METTL24: variants seen among roughly 807,000 people sequenced by gnomAD.
The protein encoded by METTL24 is probable methyltransferase-like protein 24.
METTL24 carries 29 observed loss-of-function variants against 32.7 expected under a neutral mutation model. That is an observed-to-expected ratio of 0.89 (90% CI 0.66 to 1.21). METTL24 has a LOEUF of 1.21. METTL24 is among the 50% of genes most tolerant of loss of function. The pLI is 0.00. For synonymous variants in METTL24, 163 were observed against 179.5 expected (o/e 0.91, Z 0.73); for missense variants, 439 against 468.1 (o/e 0.94, Z 0.57).
At chr6:110,262,116 C>T (rs1340056364) in intron 4 of METTL24, among the ~76,000 whole-genome samples, 1 of 152,046 alleles carries the variant, frequency 6.6e-6, no homozygotes, top group Non-Finnish European at 1.5e-5. Context: ...TAACTAAGAT[C>T]AGAGCAGAAC....
intron 1 of METTL24, among the ~76,000 whole-genome samples, chr6:110,334,336 A>G (rs1241174355): frequency 6.6e-6 from 1 of 152,186 alleles, no homozygotes; most frequent in Non-Finnish European, 1.5e-5. Flanking sequence ...CAGCAAGCGC[A>G]GGAGAACATG....
chr6:110,253,926 G>A (rs1415656180), intron 4 of METTL24: 2 of 1,464,958 alleles, frequency 1.4e-6, no homozygotes, highest in Non-Finnish European at 9.1e-7. Flanking sequence ...GTGACTGCAG[G>A]TCCCCAGGAG....
At chr6:110,355,029 G>T (rs1244820996) in intron 1 of METTL24, among the ~76,000 whole-genome samples, 1 of 152,098 alleles carries the variant, frequency 6.6e-6, no homozygotes, top group Non-Finnish European at 1.5e-5. Context: ...CACATACTGG[G>T]GTCTCAGGAG....
At position 110,358,239 on chromosome 6, in the gene METTL24, C is replaced by A; in HGVS notation, c.34G>T (p.Gly12Cys). 6.7e-7 allele frequency: 1 copy of A among 1,487,314 alleles called. No homozygotes were observed. Among genetic ancestry groups the A allele is most frequent in the Non-Finnish European group, 8.9e-7 (1 of 1,125,870 alleles). 92.1% of individuals were successfully genotyped at this position (1,487,314 alleles called of 1,614,324 possible). The change falls in exon 1 of 5, where the codon GGC (glycine) becomes TGC (cysteine). Residue 12 changes from glycine (G) to cysteine (C), a missense_variant. By Grantham distance (159) the Gly-to-Cys change is radical. Transcript: ENST00000338882. The stretch of plus-strand genomic sequence containing the variant: ...CCGAGTAGACACCGGCGCAGGACGC[C>A]GCAGCCCCTCCCGGGCGGCCTCTCC... ...ARERPPGRGCGVLRRCLLGAV... is the reference protein window; with the variant it reads ...ARERPPGRGCCVLRRCLLGAV...
intron 4 of METTL24, among the ~76,000 whole-genome samples, chr6:110,263,121 G>A (rs1273375185): frequency 1.3e-5 from 2 of 152,158 alleles, no homozygotes; most frequent in African/African-American, 4.8e-5. Flanking sequence ...TCTGGCCAGG[G>A]CAATCAGGCA....
intron 4 of METTL24, among the ~76,000 whole-genome samples, chr6:110,290,870 G>C (rs942035627): frequency 3.3e-5 from 5 of 152,140 alleles, no homozygotes; most frequent in Admixed American, 2.6e-4. Context: ...CCATCACTTA[G>C]TAACATCAAT....
intron 3 of METTL24, among the ~76,000 whole-genome samples, chr6:110,306,160 G>A (rs538618634): frequency 2.0e-5 from 3 of 151,468 alleles, no homozygotes; most frequent in South Asian, 4.2e-4. Flanking sequence ...CTGTTGGGGG[G>A]TGGGGGGCAA....
rs113073297 is a variant in METTL24, at chr6:110,303,674, T to G, written c.558-4524A>C. Among the ~76,000 whole-genome samples the G allele has an allele frequency of 4.7e-3, 719 of 152,252 alleles. 9 individuals carry two copies. Among genetic ancestry groups the G allele is most frequent in the African/African-American group, 0.017 (699 of 41,560 alleles). ...AATGCAGCAACCCCACTCAGGGGCT[T>G]ATAGACAAAACTTCCATCTCCCTGG... On this transcript the variant is annotated intron_variant, in intron 3 of 4. Transcript: ENST00000338882.
At chr6:110,302,587 ATATATACACATATACACACACATATGTG>A in intron 3 of METTL24, among the ~76,000 whole-genome samples, 1 of 108,974 alleles carries the variant, frequency 9.2e-6, no homozygotes, top group Non-Finnish European at 1.8e-5. Flanking sequence ...ACATATGTGT[ATATATACACATATACACACACATATGTG>A]TATATATATA....
intron 3 of METTL24, among the ~76,000 whole-genome samples, chr6:110,306,052 A>G (rs1771621668): frequency 6.6e-6 from 1 of 152,026 alleles, no homozygotes. Context: ...GGAAACCATC[A>G]TCCTCAGCAA....
At chr6:110,291,676 T>G (rs942574128) in intron 4 of METTL24, among the ~76,000 whole-genome samples, 2 of 152,224 alleles carry the variant, frequency 1.3e-5, no homozygotes, top group Non-Finnish European at 2.9e-5. Flanking sequence ...GTTATTTTTC[T>G]GATCCTCTCC....
chr6:110,351,370 G>C (rs539537166), intron 1 of METTL24, among the ~76,000 whole-genome samples: 1 of 152,196 alleles, frequency 6.6e-6, no homozygotes, highest in South Asian at 2.1e-4. Context: ...TGGAAATAAG[G>C]CTATCTATAA....
intron 4 of METTL24, among the ~76,000 whole-genome samples, chr6:110,264,799 A>G (rs1360083706): frequency 2.0e-5 from 3 of 152,238 alleles, no homozygotes; most frequent in Admixed American, 1.3e-4. Context: ...GCCATAAAAA[A>G]TGATGAGTTC....
At position 110,245,668 on chromosome 6, in the gene METTL24, G is replaced by A. The variant is rs543280283; in HGVS notation, c.*278C>T. Among the ~76,000 whole-genome samples the A allele has an allele frequency of 7.9e-4, 121 of 152,272 alleles. 1 individual carries two copies. Among genetic ancestry groups the A allele is most frequent in the Non-Finnish European group, 1.1e-3 (76 of 68,016 alleles). On this transcript the variant is annotated 3_prime_UTR_variant, in exon 5 of 5. Coordinates refer to ENST00000338882, the MANE Select transcript of METTL24 (RefSeq NM_001123364.3). ...AATTCATAGATTATAGATACATAGA[G>A]AATTTTAGGGAAAACTGTGATGAGC...
At chr6:110,331,386 C>T (rs964446782) in intron 1 of METTL24, among the ~76,000 whole-genome samples, 2 of 151,914 alleles carry the variant, frequency 1.3e-5, no homozygotes, top group Non-Finnish European at 2.9e-5. Context: ...AGGCCAGGCA[C>T]GATGGCACAC....
intron 1 of METTL24, among the ~76,000 whole-genome samples, chr6:110,344,459 G>T: frequency 6.6e-6 from 1 of 152,080 alleles, no homozygotes; most frequent in Non-Finnish European, 1.5e-5. Context: ...TAAACTTTGT[G>T]AGCCAAGAAG....
chr6:110,282,208 G>A (rs1436445918), intron 4 of METTL24, among the ~76,000 whole-genome samples: 3 of 152,114 alleles, frequency 2.0e-5, no homozygotes, highest in Admixed American at 6.6e-5. Context: ...GAAAATTGGC[G>A]CTCTTTAACA....
intron 4 of METTL24, among the ~76,000 whole-genome samples, chr6:110,288,267 T>C (rs1053455538): frequency 2.6e-5 from 4 of 152,110 alleles, no homozygotes; most frequent in African/African-American, 9.7e-5. Context: ...AAGTACAGCT[T>C]CCCAGCCAGC....
chr6:110,303,150 A>G (rs1423843316), intron 3 of METTL24, among the ~76,000 whole-genome samples: 2 of 152,152 alleles, frequency 1.3e-5, no homozygotes, highest in Non-Finnish European at 2.9e-5. Flanking sequence ...CGCTTTTCCC[A>G]TGGTCTTCAT....
Sources: allele counts gnomAD v4.1 joint callset (sites outside exome capture counted in the v4.1 genomes callset), GRCh38; gene constraint gnomAD v4.1.1; transcripts MANE v1.5; gene names NCBI Gene and HGNC (gene_info 2026-07-23, HGNC 2026-07-21).